HLCS: variants seen among roughly 807,000 people sequenced by gnomAD.
HLCS encodes the protein biotin--protein ligase.
Under a neutral mutation model 75.0 loss-of-function variants are expected in HLCS, and 53 were observed. That is an observed-to-expected ratio of 0.71 (90% confidence interval 0.57 to 0.89). The LOEUF (loss-of-function observed/expected upper bound fraction) is 0.89, where lower values mean the gene tolerates loss of function less well. HLCS is among the 40% of genes least tolerant of loss of function. The probability of loss-of-function intolerance (pLI) is 0.00; values close to 1 mark genes in which losing one functional copy is unlikely to be tolerated. For synonymous variants in HLCS, 431 were observed against 428.6 expected (o/e 1.01, Z -0.07); for missense variants, 966 against 1,074.0 (o/e 0.90, Z 1.41).
Position 36,853,795 on chromosome 21 carries a change from C to T in HLCS, c.1892+43065G>A, listed in dbSNP as rs73212693. On this transcript the variant is annotated intron_variant, in intron 6 of 10. Coordinates refer to ENST00000674895, the MANE Select transcript of HLCS (RefSeq NM_001352514.2). ...GTTATTAAGTCAATAAAAATAATTA[C>T]TGATGAGAGTGCAATATAATTTTTG... Among the ~76,000 whole-genome samples the T allele has an allele frequency of 2.1e-3, 315 of 152,224 alleles. 1 individual carries two copies. Among genetic ancestry groups the T allele is most frequent in the Middle Eastern group, 0.01 (3 of 294 alleles).
In HLCS at chr21:36,892,560, G is replaced by A. The variant is rs185799676; in HGVS notation, c.1892+4300C>T. 2.2e-4 allele frequency among the ~76,000 whole-genome samples: 34 copies of A among 152,326 alleles called. No individual in the cohort carries two copies. The South Asian group carries it at 3.7e-3, about 17-fold the overall frequency. ...CAGAGATCCTGAATCTGATCAAGTG[G>A]AAGGAAATGAATGTCATACCAGGGC... On this transcript the variant is annotated intron_variant, in intron 6 of 10. Transcript: ENST00000674895.
chr21:36,780,601 T>C (rs1280276957), intron 6 of HLCS, among the ~76,000 whole-genome samples: 1 of 152,172 alleles, frequency 6.6e-6, no homozygotes, highest in Non-Finnish European at 1.5e-5. Flanking sequence ...TATAGGCATT[T>C]AGGTAGTTCC....
intron 1 of HLCS, among the ~76,000 whole-genome samples, chr21:36,962,793 CAAA>C (rs386394699): frequency 7.5e-5 from 6 of 80,218 alleles, no homozygotes; most frequent in Non-Finnish European, 1.1e-4. Flanking sequence ...GACCCTATCT[CAAA>C]AAAAAAAAAA....
At chr21:36,803,716 T>G (rs1302542948) in intron 6 of HLCS, among the ~76,000 whole-genome samples, 2 of 150,484 alleles carry the variant, frequency 1.3e-5, no homozygotes, top group East Asian at 2.0e-4. Context: ...GAAAAAAACT[T>G]CCAAAGTGTT....
At chr21:36,865,268 C>A (rs1601557572) in intron 6 of HLCS, among the ~76,000 whole-genome samples, 1 of 151,904 alleles carries the variant, frequency 6.6e-6, no homozygotes, top group Non-Finnish European at 1.5e-5. Context: ...AGAATGCGCG[C>A]CAGTTTAAAG....
chr21:36,784,325 T>G (rs2060624318), intron 6 of HLCS, among the ~76,000 whole-genome samples: 2 of 151,160 alleles, frequency 1.3e-5, no homozygotes, highest in African/African-American at 4.9e-5. Flanking sequence ...TTTTTTTTTT[T>G]TTTTTTAATG....
intron 6 of HLCS, among the ~76,000 whole-genome samples, chr21:36,893,277 G>A (rs2064869106): frequency 6.6e-6 from 1 of 152,046 alleles, no homozygotes; most frequent in Non-Finnish European, 1.5e-5. Flanking sequence ...TCACTATATT[G>A]GTCAGGCTGG....
At chr21:36,939,365 A>G (rs2067037488) in intron 2 of HLCS, among the ~76,000 whole-genome samples, 2 of 152,310 alleles carry the variant, frequency 1.3e-5, no homozygotes, top group African/African-American at 2.4e-5. Flanking sequence ...AGTTACTTTC[A>G]ATGTAACCTG....
At chr21:36,957,278 C>T (rs2068016602) in intron 2 of HLCS, among the ~76,000 whole-genome samples, 1 of 152,096 alleles carries the variant, frequency 6.6e-6, no homozygotes, top group Non-Finnish European at 1.5e-5. Context: ...GTGGCACCTC[C>T]CCCAGCTCAG....
chr21:36,775,736 G>A (rs926190123), intron 6 of HLCS, among the ~76,000 whole-genome samples: 4 of 152,144 alleles, frequency 2.6e-5, no homozygotes, highest in African/African-American at 4.8e-5. Context: ...GCTCTTGGTG[G>A]AGAGTGTCCA....
At chr21:36,951,083 T>G (rs2067649749) in intron 2 of HLCS, among the ~76,000 whole-genome samples, 1 of 152,146 alleles carries the variant, frequency 6.6e-6, no homozygotes, top group Non-Finnish European at 1.5e-5. Context: ...ATCCCAGAAC[T>G]CTCCCCTTAT....
At chr21:36,881,290 G>A (rs1032635149) in intron 6 of HLCS, among the ~76,000 whole-genome samples, 14 of 151,994 alleles carry the variant, frequency 9.2e-5, no homozygotes, top group African/African-American at 3.1e-4. Flanking sequence ...TTTTCTTCTC[G>A]GATATCACTC....
intron 6 of HLCS, among the ~76,000 whole-genome samples, chr21:36,875,641 A>G (rs1343498361): frequency 6.6e-6 from 1 of 152,218 alleles, no homozygotes; most frequent in Non-Finnish European, 1.5e-5. Flanking sequence ...GGAGCTACCC[A>G]CTTCAAGTCT....
intron 6 of HLCS, among the ~76,000 whole-genome samples, chr21:36,884,907 G>T (rs1370690631): frequency 1.3e-5 from 2 of 152,058 alleles, no homozygotes; most frequent in Non-Finnish European, 2.9e-5. Flanking sequence ...GATGCACAAG[G>T]CATATCCAAG....
chr21:36,786,040 C>T (rs1239388551), intron 6 of HLCS, among the ~76,000 whole-genome samples: 1 of 152,146 alleles, frequency 6.6e-6, no homozygotes, highest in Non-Finnish European at 1.5e-5. Flanking sequence ...GCTGTATCCT[C>T]AACCCTGTTT....
Position 36,931,898 on chromosome 21 carries a change from C to A in HLCS, c.1438-1465G>T, listed in dbSNP as rs565672915. ...CGGGGCCACTGTCTGTGGGTCCGTA[C>A]GCTCTCCCCATGTCTGCACGGGTTT... On this transcript the variant is annotated intron_variant, in intron 4 of 10. Transcript: ENST00000674895. Among the ~76,000 whole-genome samples, 6 of 152,288 alleles carry A rather than the reference C, an allele frequency of 3.9e-5. No individual in the cohort carries two copies. In the East Asian group the frequency reaches 9.7e-4, roughly 24 times the overall value.
chr21:36,989,879 C>T (rs1327990926), intron 1 of HLCS, among the ~76,000 whole-genome samples: 1 of 152,104 alleles, frequency 6.6e-6, no homozygotes, highest in Non-Finnish European at 1.5e-5. Context: ...ACAGCCGGGC[C>T]GAGCCAGCCC....
chr21:36,906,779 T>C (rs2065474856), intron 5 of HLCS, among the ~76,000 whole-genome samples: 1 of 151,430 alleles, frequency 6.6e-6, no homozygotes, highest in Non-Finnish European at 1.5e-5. Context: ...AAAACCTACA[T>C]TATCTGCTTT....
intron 6 of HLCS, among the ~76,000 whole-genome samples, chr21:36,841,028 G>C (rs1388022538): frequency 6.6e-6 from 1 of 151,658 alleles, no homozygotes; most frequent in Non-Finnish European, 1.5e-5. Flanking sequence ...GTTTGGGGTG[G>C]GTATTTTATA....
Sources: allele counts gnomAD v4.1 joint callset (sites outside exome capture counted in the v4.1 genomes callset), GRCh38; gene constraint gnomAD v4.1.1; transcripts MANE v1.5; gene names NCBI Gene and HGNC (gene_info 2026-07-23, HGNC 2026-07-21).